Variants in DMD observed in about 807,000 individuals in gnomAD.
DMD encodes dystrophin, also known as mutant dystrophin.
Under a neutral mutation model 330.1 loss-of-function variants are expected in DMD, and 63 were observed. That is an observed-to-expected ratio of 0.19 (90% CI 0.16 to 0.24). The LOEUF (loss-of-function observed/expected upper bound fraction) is 0.24. Among genes scored for constraint, DMD ranks in the 10% least tolerant of loss-of-function variants. The probability of loss-of-function intolerance (pLI) is 1.00; values close to 1 mark genes in which losing one functional copy is unlikely to be tolerated. For synonymous variants in DMD, 1,223 were observed against 959.8 expected (o/e 1.27, Z -5.07); for missense variants, 3,344 against 2,684.1 (o/e 1.25, Z -5.43).
intron 1 of DMD, among the ~76,000 whole-genome samples, chrX:33,199,008 G>A (rs978047103): frequency 4.5e-5 from 5 of 110,800 alleles, no homozygotes; most frequent in Admixed American, 1.9e-4. Context: ...GTAAGGGGGC[G>A]AGGCAAAGGA....
Position 32,633,014 on chromosome X carries a change from C to A in DMD, c.1331+11118G>T, listed in dbSNP as rs574665889. On this transcript the variant is annotated intron_variant, in intron 11 of 78. Transcript: ENST00000357033. ...TGGGCTTTTATTTTCTACCACATATCCATGTTGCAAATTTTGAAAACCTTT... is the reference window on the plus strand; with the variant it reads ...TGGGCTTTTATTTTCTACCACATATACATGTTGCAAATTTTGAAAACCTTT... 3.7e-4 allele frequency among the ~76,000 whole-genome samples: 42 copies of A among 112,352 alleles called. No homozygotes were observed. In the South Asian group the frequency reaches 0.014, roughly 39 times the overall value.
At chrX:31,638,430 C>T (rs1053206018) in intron 54 of DMD, among the ~76,000 whole-genome samples, 4 of 112,061 alleles carry the variant, frequency 3.6e-5, no homozygotes, top group African/African-American at 1.3e-4. Flanking sequence ...TGTGACATAG[C>T]ACCAGAGATC....
At chrX:32,468,335 G>C (rs1466453128) in intron 23 of DMD, among the ~76,000 whole-genome samples, 163 bp downstream of exon 23, 1 of 111,211 alleles carries the variant, frequency 9.0e-6, no homozygotes, top group Non-Finnish European at 1.9e-5. Context: ...GAAGGAATAA[G>C]CAAATCGCCA....
intron 6 of DMD, among the ~76,000 whole-genome samples, chrX:32,811,569 C>T (rs761058984): frequency 3.6e-4 from 40 of 111,691 alleles, no homozygotes; most frequent in African/African-American, 9.8e-4. Context: ...AAAGGCTCAA[C>T]AAATATTTAT....
At chrX:32,517,707 A>G in intron 18 of DMD, 1 of 382,232 alleles carries the variant, frequency 2.6e-6, no homozygotes, top group African/African-American at 2.5e-5. Context: ...GTAACTGAAC[A>G]ATATATGAAA....
intron 7 of DMD, among the ~76,000 whole-genome samples, chrX:32,759,403 C>A (rs754381685): frequency 9.0e-6 from 1 of 111,570 alleles, no homozygotes; most frequent in Admixed American, 9.5e-5. Context: ...CCCTTAGATG[C>A]ATTTCTATAT....
Position 31,671,114 on chromosome X carries a change from G to A in DMD, c.7872+8261C>T, listed in dbSNP as rs762874156. Among the ~76,000 whole-genome samples the A allele has an allele frequency of 2.6e-4, 29 of 111,232 alleles. 1 individual carries two copies. The highest frequency in any genetic ancestry group is 3.0e-4 in the Non-Finnish European group (16 of 52,992). ...TTTTTAGCAGAGACGGGGTTTTACC[G>A]TGTTAGCCAGGATGGTCTCAATCTC... is the stretch of plus-strand genomic sequence containing the variant. On this transcript the variant is annotated intron_variant, in intron 53 of 78. Coordinates refer to ENST00000357033, the MANE Select transcript of DMD (RefSeq NM_004006.3).
chrX:31,629,940 A>G (rs1177743301), intron 54 of DMD, among the ~76,000 whole-genome samples: 1 of 112,275 alleles, frequency 8.9e-6, no homozygotes, highest in Admixed American at 9.5e-5. Flanking sequence ...AATGTAGTCC[A>G]ATTTCAAACA....
At chrX:31,869,501 T>C (rs767336884) in intron 48 of DMD, among the ~76,000 whole-genome samples, 10 of 108,197 alleles carry the variant, frequency 9.2e-5, no homozygotes, top group African/African-American at 3.0e-4. Flanking sequence ...TTATTTCCTT[T>C]ACAATCTGGC....
chrX:32,984,459 T>G lies in DMD; in HGVS notation c.93+35680A>C, dbSNP rs774035166. 9.9e-5 allele frequency among the ~76,000 whole-genome samples: 11 copies of G among 111,653 alleles called. No homozygotes were observed. In the South Asian group the frequency reaches 4.2e-3, roughly 42 times the overall value. On this transcript the variant is annotated intron_variant, in intron 2 of 78. Transcript: ENST00000357033. ...TAGTAGAGACAGGGTTTTGTCATGT[T>G]GGCCAGGCTGGTCTCAAACTCTTGA...
intron 9 of DMD, among the ~76,000 whole-genome samples, chrX:32,662,862 G>A (rs745305948): frequency 8.9e-6 from 1 of 111,783 alleles, no homozygotes; most frequent in East Asian, 2.8e-4. Context: ...GATAAACAAA[G>A]ATATTTAATG....
intron 2 of DMD, among the ~76,000 whole-genome samples, chrX:33,009,154 GTATATATGTATATATATGTGTATA>G (rs1569548825): frequency 2.5e-4 from 5 of 20,178 alleles, no homozygotes; most frequent in Admixed American, 1.0e-3. Flanking sequence ...GTATATATAC[GTATATATGTATATATATGTGTATA>G]TATACGTATA....
intron 50 of DMD, among the ~76,000 whole-genome samples, chrX:31,788,563 T>A (rs945817148): frequency 9.0e-6 from 1 of 111,544 alleles, no homozygotes; most frequent in East Asian, 2.8e-4. Context: ...TTAGATGAGA[T>A]GTACTGTATA....
chrX:31,555,004 G>C, intron 55 of DMD, among the ~76,000 whole-genome samples: 2 of 111,779 alleles, frequency 1.8e-5, no homozygotes, highest in Non-Finnish European at 3.8e-5. Flanking sequence ...CTAGGAGAGG[G>C]AGCCATTTGA....
At chrX:32,607,829 G>A (rs966765413) in intron 12 of DMD, among the ~76,000 whole-genome samples, 3 of 109,844 alleles carry the variant, frequency 2.7e-5, no homozygotes, top group Non-Finnish European at 3.8e-5. Flanking sequence ...TTACCTATAC[G>A]AAAGAACTGA....
chrX:32,531,076 T>C (rs1027310420), intron 17 of DMD, among the ~76,000 whole-genome samples: 1 of 111,712 alleles, frequency 9.0e-6, no homozygotes, highest in African/African-American at 3.3e-5. Context: ...AACGAAAATA[T>C]GGTGACAAAT....
chrX:31,216,802 G>A (rs1411891936), intron 64 of DMD, among the ~76,000 whole-genome samples: 1 of 111,720 alleles, frequency 9.0e-6, no homozygotes, highest in Admixed American at 9.5e-5. Context: ...AGAAGGCGGT[G>A]CATTTTTCAC....
chrX:32,006,295 G>T (rs1337218910), intron 44 of DMD, among the ~76,000 whole-genome samples: 1 of 111,228 alleles, frequency 9.0e-6, no homozygotes, highest in Non-Finnish European at 1.9e-5. Context: ...GGTGAACTTT[G>T]GTCTAAATGA....
At chrX:32,088,848 C>T (rs910256686) in intron 44 of DMD, among the ~76,000 whole-genome samples, 2 of 110,942 alleles carry the variant, frequency 1.8e-5, no homozygotes, top group Admixed American at 9.7e-5. Flanking sequence ...CAATCTGCTA[C>T]GACAAGCGCT....
Sources: gnomAD v4.1 joint callset for allele counts (sites outside exome capture counted in the v4.1 genomes callset) on GRCh38, gnomAD v4.1.1 for gene constraint, MANE v1.5 for transcripts, NCBI Gene and HGNC (gene_info 2026-07-23, HGNC 2026-07-21) for gene names.